The following ZNF638 variants were observed in gnomAD, a reference collection of about 807,000 sequenced individuals.
The protein encoded by ZNF638 is zinc finger protein 638.
A neutral mutation model predicts 195.6 loss-of-function variants in ZNF638; 46 were observed. That is an observed-to-expected ratio of 0.24 (90% CI 0.19 to 0.30). ZNF638 has a LOEUF of 0.30. Among genes scored for constraint, ZNF638 ranks in the 10% least tolerant of loss-of-function variants. The pLI, the probability that ZNF638 is intolerant of heterozygous loss-of-function variation, is 1.00. For synonymous variants in ZNF638, 845 were observed against 772.0 expected (o/e 1.09, Z -1.57); for missense variants, 2,440 against 2,325.3 (o/e 1.05, Z -1.01).
Position 71,434,842 on chromosome 2 carries a change from T to A in ZNF638, c.*35T>A, listed in dbSNP as rs1402449112. ...AGGAAAGAATTCACTAGAAATTTGT[T>A]TAGGGTCCAGTTGATTTGTGTATTT... is the stretch of plus-strand genomic sequence containing the variant. On this transcript the variant is annotated 3_prime_UTR_variant, in exon 28 of 28. Transcript: ENST00000264447. The A allele has an allele frequency of 6.5e-7, 1 of 1,541,410 alleles. No individual in the cohort carries two copies. Among genetic ancestry groups the A allele is most frequent in the Non-Finnish European group, 8.8e-7 (1 of 1,137,108 alleles).
chr2:71,394,231 G>A (rs750160190), intron 10 of ZNF638, among the ~76,000 whole-genome samples: 11 of 152,098 alleles, frequency 7.2e-5, no homozygotes, highest in Admixed American at 5.2e-4. Flanking sequence ...AGCCATGTCC[G>A]TTCCCCTGTG....
intron 8 of ZNF638, chr2:71,375,812 T>G (rs560465839): frequency 6.6e-6 from 1 of 152,340 alleles, no homozygotes; most frequent in African/African-American, 2.4e-5. Context: ...AGAAGAGCAC[T>G]GAAGTCCAAT....
rs147156449 is a variant in ZNF638 at position 71,427,050 on chromosome 2, C to T, written c.5181C>T (p.Pro1727=). 81 of 1,613,676 alleles carry T rather than the reference C, an allele frequency of 5.0e-5. No individual in the cohort carries two copies. Among genetic ancestry groups the T allele is most frequent in the Middle Eastern group, 1.6e-4 (1 of 6,084 alleles). ...TTGGCTTCATTTCTTCTCAGGTGCC[C>T]GAAGACCCTTCTACTTTAGTTACTG... is the stretch of plus-strand genomic sequence containing the variant. ...DSIGFISSQV[P]EDPSTLVTVD... is the part of the protein sequence containing the mutation. Residue 1727 remains proline (P), a synonymous_variant, in exon 24 of 28, where the codon CCC becomes CCT. Transcript: ENST00000264447.
chr2:71,429,270 T>C (rs550401827), intron 25 of ZNF638, among the ~76,000 whole-genome samples: 16 of 152,326 alleles, frequency 1.1e-4, no homozygotes, highest in African/African-American at 3.8e-4. Context: ...CATTGCCCTC[T>C]TTCTTTCCTA....
At chr2:71,365,816 C>T (rs959763888) in intron 6 of ZNF638, 110 bp downstream of exon 6, 37 of 1,054,148 alleles carry the variant, frequency 3.5e-5, no homozygotes, top group Non-Finnish European at 4.3e-5. Flanking sequence ...ATCTCCTGGG[C>T]TCAAGTGATC....
At chr2:71,408,347 G>A in intron 20 of ZNF638, 100 bp downstream of exon 20, 2 of 1,355,124 alleles carry the variant, frequency 1.5e-6, no homozygotes, top group South Asian at 3.2e-5. Context: ...GTTTAGAGAT[G>A]ATTTTTATAA....
intron 20 of ZNF638, among the ~76,000 whole-genome samples, chr2:71,409,332 G>T (rs911104424): frequency 6.6e-6 from 1 of 152,070 alleles, no homozygotes; most frequent in African/African-American, 2.4e-5. Context: ...AACACTTACT[G>T]TTTTTGTTAG....
intron 19 of ZNF638, chr2:71,407,643 C>G (rs376538256): frequency 6.6e-6 from 1 of 152,416 alleles, no homozygotes; most frequent in Non-Finnish European, 1.5e-5. Context: ...CACCACCATC[C>G]ATTTGTGAAC....
chr2:71,428,761 G>A, intron 25 of ZNF638, 110 bp downstream of exon 25: 1 of 912,906 alleles, frequency 1.1e-6, no homozygotes, highest in Non-Finnish European at 1.7e-6. Context: ...AATAGAGCAG[G>A]GGTGGGAAAA....
At chr2:71,388,736 T>C in intron 10 of ZNF638, 1 of 1,157,700 alleles carries the variant, frequency 8.6e-7, no homozygotes, top group Admixed American at 1.8e-5. Context: ...AAGTCATTGG[T>C]GCCCACTCGG....
intron 10 of ZNF638, among the ~76,000 whole-genome samples, chr2:71,387,302 GATA>G (rs1208868352): frequency 6.6e-6 from 1 of 152,120 alleles, no homozygotes; most frequent in African/African-American, 2.4e-5. Context: ...AAATTTGTAT[GATA>G]ATATTTCGTT....
intron 1 of ZNF638, among the ~76,000 whole-genome samples, chr2:71,337,773 AG>A (rs2078696646): frequency 8.2e-6 from 1 of 121,866 alleles, no homozygotes; most frequent in South Asian, 2.5e-4. Flanking sequence ...TTTTTATAGC[AG>A]TTTTTTTTTC....
intron 20 of ZNF638, among the ~76,000 whole-genome samples, chr2:71,411,297 C>G (rs1387055973): frequency 6.6e-6 from 1 of 151,184 alleles, no homozygotes; most frequent in Admixed American, 6.6e-5. Flanking sequence ...CATGCCTGGC[C>G]CCAGGGAAGT....
chr2:71,349,433 A>T lies in ZNF638; in HGVS notation c.479A>T (p.Tyr160Phe), dbSNP rs778708515. The change falls in exon 2 of 28, where the codon TAT (tyrosine) becomes TTT (phenylalanine). Residue 160 changes from tyrosine to phenylalanine, a missense_variant. Around this residue, in one of 5 missense-constraint regions of ZNF638, gnomAD observed 24 missense variants for 53.1 expected, o/e 0.45. Transcript: ENST00000264447. The part of the protein sequence containing the change: ...SNEDLEELSR[Y>F]PDEQLTPENM... ...GAAGACCTAGAAGAACTTAGTCGCTATCCTGATGAACAACTAACTCCTGAA... is the reference window on the plus strand; with the variant it reads ...GAAGACCTAGAAGAACTTAGTCGCTTTCCTGATGAACAACTAACTCCTGAA... 6.2e-7 allele frequency: 1 copy of T among 1,614,098 alleles called. No homozygotes were observed. Among genetic ancestry groups the T allele is most frequent in the Non-Finnish European group, 8.5e-7 (1 of 1,180,036 alleles).
chr2:71,430,067 A>G (rs891467946), intron 25 of ZNF638, among the ~76,000 whole-genome samples: 4 of 152,232 alleles, frequency 2.6e-5, no homozygotes, highest in Admixed American at 2.0e-4. Flanking sequence ...ATATAAAAGG[A>G]TGATTTAGTT....
At chr2:71,410,177 G>A (rs1175023489) in intron 20 of ZNF638, among the ~76,000 whole-genome samples, 1 of 152,068 alleles carries the variant, frequency 6.6e-6, no homozygotes, top group Non-Finnish European at 1.5e-5. Context: ...AAACTAGTTT[G>A]TTTTTCTGTT....
rs749036911 is a variant in ZNF638, at chr2:71,427,080, T to C, written c.5211T>C (p.Asp1737=). Reference sequence around the variant, plus strand: ...ACCCTTCTACTTTAGTTACTGTAGATGAAATACAAGATGACAGCAGTGATT... The same window carrying C: ...ACCCTTCTACTTTAGTTACTGTAGACGAAATACAAGATGACAGCAGTGATT... ...PEDPSTLVTV[D]EIQDDSSDLH... The change falls in exon 24 of 28, where the codon GAT becomes GAC. Residue 1737 remains aspartate (D), a synonymous_variant. Coordinates refer to ENST00000264447, the MANE Select transcript of ZNF638 (RefSeq NM_014497.5). The C allele has an allele frequency of 1.2e-6, 2 of 1,614,050 alleles. No homozygotes were observed. The highest frequency in any genetic ancestry group is 3.3e-5 in the Admixed American group (2 of 60,006).
At chr2:71,401,548 T>C in intron 15 of ZNF638, among the ~76,000 whole-genome samples, 1 of 152,026 alleles carries the variant, frequency 6.6e-6, no homozygotes, top group East Asian at 1.9e-4. Flanking sequence ...ACAAATGAAC[T>C]TGTGTTTTAA....
chr2:71,364,578 T>A (rs932407457), intron 5 of ZNF638, among the ~76,000 whole-genome samples: 9 of 152,234 alleles, frequency 5.9e-5, no homozygotes, highest in Admixed American at 1.3e-4. Flanking sequence ...GTTGATTTTA[T>A]GACCCTTTCA....
Sources: allele counts gnomAD v4.1 joint callset (sites outside exome capture counted in the v4.1 genomes callset), GRCh38; gene constraint gnomAD v4.1.1; regional missense constraint gnomAD v4.1.1; transcripts MANE v1.5; gene names NCBI Gene and HGNC (gene_info 2026-07-23, HGNC 2026-07-21).